Variants in CLIC4 observed in about 807,000 individuals in gnomAD.
CLIC4 encodes the protein chloride intracellular channel protein 4.
Under a neutral mutation model 24.6 loss-of-function variants are expected in CLIC4, and 13 were observed. The ratio of observed to expected loss-of-function variants is 0.53; its 90% confidence interval spans 0.34 to 0.84. CLIC4 has a LOEUF of 0.84. Ranked by LOEUF, CLIC4 falls within the 40% of genes least tolerant of loss-of-function variation. CLIC4 has a pLI of 0.01. For missense variants in CLIC4, 227 were observed against 301.7 expected (o/e 0.75, Z 1.83); for synonymous variants, 104 against 111.3 (o/e 0.93, Z 0.41).
intron 3 of CLIC4, among the ~76,000 whole-genome samples, chr1:24,821,184 C>CA (rs1441382219): frequency 1.4e-5 from 2 of 140,338 alleles, no homozygotes; most frequent in African/African-American, 5.5e-5. Context: ...GACCCTGTCT[C>CA]AAAAAAGAAG....
At chr1:24,777,188 TC>T (rs955189373) in intron 1 of CLIC4, among the ~76,000 whole-genome samples, 1 of 152,220 alleles carries the variant, frequency 6.6e-6, no homozygotes, top group Non-Finnish European at 1.5e-5. Flanking sequence ...CCGTTAATTT[TC>T]TATTGTAATT....
At chr1:24,754,066 A>G (rs1638812046) in intron 1 of CLIC4, among the ~76,000 whole-genome samples, 2 of 152,224 alleles carry the variant, frequency 1.3e-5, no homozygotes, top group South Asian at 4.1e-4. Context: ...ATGAATGTAA[A>G]GTATGAAGTT....
At chr1:24,818,318 A>C (rs1639691596) in intron 3 of CLIC4, among the ~76,000 whole-genome samples, 1 of 151,916 alleles carries the variant, frequency 6.6e-6, no homozygotes, top group African/African-American at 2.4e-5. Flanking sequence ...ACAGAGGCTC[A>C]CTCTGTCACC....
chr1:24,829,821 TG>T (rs1460482123), intron 4 of CLIC4, among the ~76,000 whole-genome samples: 1 of 152,182 alleles, frequency 6.6e-6, no homozygotes, highest in African/African-American at 2.4e-5. Context: ...TCTGGAAAAG[TG>T]TTGGAAGTCA....
intron 1 of CLIC4, among the ~76,000 whole-genome samples, chr1:24,764,641 A>G (rs184741249): frequency 1.1e-4 from 17 of 151,918 alleles, no homozygotes; most frequent in African/African-American, 4.1e-4. Flanking sequence ...GCGACAGAGC[A>G]AGACCCTATC....
Position 24,748,206 on chromosome 1 carries a change from G to A in CLIC4, c.72+2581G>A, listed in dbSNP as rs536242295. ...CTTTCAGTTAGAATAGCAGAGGGGC[G>A]TGTGCAGTTTTCCAAACTTGAGTCA... is the stretch of plus-strand genomic sequence containing the variant. On this transcript the variant is annotated intron_variant, in intron 1 of 5. Transcript: ENST00000374379. Among the ~76,000 whole-genome samples, 6 of 152,242 alleles carry A rather than the reference G, an allele frequency of 3.9e-5. No homozygotes were observed. The South Asian group carries it at 1.2e-3, about 32-fold the overall frequency.
chr1:24,787,845 AT>A (rs60149402), intron 1 of CLIC4, among the ~76,000 whole-genome samples: 479 of 142,134 alleles, frequency 3.4e-3, no homozygotes, highest in African/African-American at 0.012. Flanking sequence ...GTGCCCGGCC[AT>A]TTTTTTTTTT....
At chr1:24,770,170 A>G (rs1639053784) in intron 1 of CLIC4, among the ~76,000 whole-genome samples, 1 of 152,062 alleles carries the variant, frequency 6.6e-6, no homozygotes, top group Non-Finnish European at 1.5e-5. Flanking sequence ...TGATTTTAGG[A>G]TTGTTTTCCA....
chr1:24,756,367 A>G (rs1252335510), intron 1 of CLIC4, among the ~76,000 whole-genome samples: 1 of 152,178 alleles, frequency 6.6e-6, no homozygotes, highest in Non-Finnish European at 1.5e-5. Context: ...CAACATGCAT[A>G]TATTTTGTAC....
At chr1:24,748,266 G>C (rs1489687633) in intron 1 of CLIC4, among the ~76,000 whole-genome samples, 1 of 151,890 alleles carries the variant, frequency 6.6e-6, no homozygotes, top group East Asian at 1.9e-4. Flanking sequence ...TATTTGTGTT[G>C]AGAACCACTG....
intron 4 of CLIC4, 93 bp from the exon 5 acceptor site, chr1:24,839,767 A>T: frequency 9.0e-7 from 1 of 1,105,066 alleles, no homozygotes; most frequent in Non-Finnish European, 1.3e-6. Flanking sequence ...AAACATTTTT[A>T]AACAGTTATT....
At chr1:24,761,932 G>A (rs575415767) in intron 1 of CLIC4, among the ~76,000 whole-genome samples, 4 of 152,246 alleles carry the variant, frequency 2.6e-5, no homozygotes, top group Admixed American at 2.0e-4. Flanking sequence ...GGAGAGGGAG[G>A]AGGAGCAGAC....
At position 24,828,928 on chromosome 1, in the gene CLIC4, C is replaced by G. The variant is rs549887818; in HGVS notation, c.415+1812C>G. 2.0e-5 allele frequency among the ~76,000 whole-genome samples: 3 copies of G among 152,288 alleles called. No individual in the cohort carries two copies. In the East Asian group the frequency reaches 5.8e-4, roughly 29 times the overall value. Reference sequence around the variant, plus strand: ...AAAAGTTCCAGTTGCCAAGCAACTTCTCTCCACAGGGACCTGTTGAGGCCA... The same window carrying G: ...AAAAGTTCCAGTTGCCAAGCAACTTGTCTCCACAGGGACCTGTTGAGGCCA... On this transcript the variant is annotated intron_variant, in intron 4 of 5. Transcript: ENST00000374379.
At chr1:24,794,861 A>G (rs777610786) in intron 1 of CLIC4, among the ~76,000 whole-genome samples, 15 of 151,988 alleles carry the variant, frequency 9.9e-5, no homozygotes, top group Non-Finnish European at 2.2e-4. Context: ...TCTTGAGTTG[A>G]TTTTTGTGTA....
At chr1:24,824,807 T>C (rs1245849133) in intron 3 of CLIC4, among the ~76,000 whole-genome samples, 1 of 151,950 alleles carries the variant, frequency 6.6e-6, no homozygotes, top group Non-Finnish European at 1.5e-5. Context: ...AACACTAGCC[T>C]GGGCAACATG....
rs770081766 is a variant in CLIC4 at position 24,781,668 on chromosome 1, AT to A, written c.73-16058del. Among the ~76,000 whole-genome samples the A allele has an allele frequency of 8.9e-3, 1,227 of 138,246 alleles. 1 individual carries two copies. The highest frequency in any genetic ancestry group is 0.016 in the Middle Eastern group (4 of 256). 90.7% of individuals were successfully genotyped at this position (138,246 alleles called of 152,430 possible). The stretch of plus-strand genomic sequence containing the variant: ...GAAGATGGAGAACTTTGTGAGACCT[AT>A]TTTTTTTTTTTTTTTAAAGACGGAG... On this transcript the variant is annotated intron_variant, in intron 1 of 5. Transcript: ENST00000374379.
At chr1:24,766,433 C>A (rs1403602418) in intron 1 of CLIC4, among the ~76,000 whole-genome samples, 1 of 79,394 alleles carries the variant, frequency 1.3e-5, no homozygotes, top group East Asian at 3.5e-4. Flanking sequence ...CACCTTTTTT[C>A]TTTTTTTTAG....
intron 1 of CLIC4, among the ~76,000 whole-genome samples, chr1:24,789,896 T>A (rs1639312847): frequency 6.6e-6 from 1 of 152,192 alleles, no homozygotes; most frequent in South Asian, 2.1e-4. Context: ...TTTCATACTA[T>A]GTTAAGAGAC....
rs150491225 is a variant in CLIC4, at chr1:24,814,001, G to C, written c.183-93G>C. On this transcript the variant is annotated intron_variant, in intron 2 of 5. Coordinates refer to ENST00000374379, the MANE Select transcript of CLIC4 (RefSeq NM_013943.3). Reference sequence around the variant, plus strand: ...TGTAGTGCTACGACTACAGACGCAAGCCACCGTGCCTGGCCAACTTTGAGA... The same window carrying C: ...TGTAGTGCTACGACTACAGACGCAACCCACCGTGCCTGGCCAACTTTGAGA... 1.7e-5 allele frequency: 25 copies of C among 1,483,378 alleles called. No homozygotes were observed. The African/African-American group carries it at 3.2e-4, about 19-fold the overall frequency. 91.9% of individuals were successfully genotyped at this position (1,483,378 alleles called of 1,614,324 possible). A position where few individuals can be genotyped will look rare whatever the true frequency, so the allele number is the denominator to read the frequency against.
Sources: gnomAD v4.1 joint callset for allele counts (sites outside exome capture counted in the v4.1 genomes callset) on GRCh38, gnomAD v4.1.1 for gene constraint, MANE v1.5 for transcripts, NCBI Gene and HGNC (gene_info 2026-07-23, HGNC 2026-07-21) for gene names.